ZC3H11A: variants seen among roughly 807,000 people sequenced by gnomAD.
ZC3H11A encodes the protein zinc finger CCCH-type containing 11A.
In ZC3H11A, 22 loss-of-function variants were observed where a neutral mutation model predicts 90.8. The observed-to-expected ratio is 0.24, with a 90% confidence interval of 0.17 to 0.35. ZC3H11A has a LOEUF of 0.35. ZC3H11A is among the 10% of genes least tolerant of loss of function. ZC3H11A has a pLI of 1.00. For synonymous variants in ZC3H11A, 294 were observed against 339.8 expected, an observed-to-expected ratio of 0.87 and a Z score of 1.48; for missense variants, 701 against 964.9, an observed-to-expected ratio of 0.73 and a Z score of 3.62.
At chr1:203,848,637 C>T (rs1688523068) in intron 14 of ZC3H11A, among the ~76,000 whole-genome samples, 1 of 152,162 alleles carries the variant, frequency 6.6e-6, no homozygotes, top group South Asian at 2.1e-4. Flanking sequence ...CCTGTAATCC[C>T]AGCACTTTGG....
chr1:203,821,020 G>A (rs1456583079), intron 4 of ZC3H11A, among the ~76,000 whole-genome samples: 1 of 152,084 alleles, frequency 6.6e-6, no homozygotes, highest in Non-Finnish European at 1.5e-5. Context: ...GTGGTGATAC[G>A]TTTGGCTCTG....
intron 4 of ZC3H11A, 76 bp from the exon 5 acceptor site, chr1:203,828,223 G>C: frequency 6.4e-7 from 1 of 1,571,748 alleles, no homozygotes; most frequent in Non-Finnish European, 8.7e-7. Context: ...TATGAACTTT[G>C]TCTAGAAAAC....
intron 17 of ZC3H11A, 79 bp downstream of exon 17, chr1:203,851,203 A>G: frequency 1.6e-6 from 2 of 1,281,400 alleles, no homozygotes; most frequent in South Asian, 1.3e-5. Flanking sequence ...ACACTGATAA[A>G]TAACTTTAGC....
At chr1:203,839,510 T>A (rs1215864508) in intron 11 of ZC3H11A, among the ~76,000 whole-genome samples, 2 of 152,216 alleles carry the variant, frequency 1.3e-5, no homozygotes, top group Non-Finnish European at 2.9e-5. Context: ...ATAAGAAACT[T>A]CTTTTAATTT....
intron 10 of ZC3H11A, chr1:203,835,676 T>G (rs1028577534): frequency 8.2e-6 from 2 of 244,274 alleles, no homozygotes; most frequent in African/African-American, 4.6e-5. Context: ...CACCACTGTT[T>G]CCATGGGCTT....
intron 2 of ZC3H11A, among the ~76,000 whole-genome samples, chr1:203,806,809 T>C (rs1672506098): frequency 6.8e-6 from 1 of 146,982 alleles, no homozygotes; most frequent in Non-Finnish European, 1.5e-5. Flanking sequence ...TTTTGTTGAG[T>C]GGATATTGCA....
chr1:203,852,009 T>C, intron 17 of ZC3H11A, 132 bp from the exon 18 acceptor site: 1 of 319,000 alleles, frequency 3.1e-6, no homozygotes, highest in Non-Finnish European at 6.1e-6. Context: ...TGATCCCAAA[T>C]CAGTAAAAGA....
At chr1:203,838,851 G>A (rs1685168345) in intron 11 of ZC3H11A, among the ~76,000 whole-genome samples, 1 of 151,596 alleles carries the variant, frequency 6.6e-6, no homozygotes, top group Admixed American at 6.6e-5. Flanking sequence ...TACTTGGGAG[G>A]CTGAGGCAGG....
chr1:203,839,563 T>C (rs1300446997), intron 11 of ZC3H11A, among the ~76,000 whole-genome samples: 1 of 152,196 alleles, frequency 6.6e-6, no homozygotes, highest in East Asian at 1.9e-4. Flanking sequence ...CGTTCCTGTT[T>C]GGAGGTTTTC....
At chr1:203,815,599 C>G (rs1010796045) in intron 2 of ZC3H11A, among the ~76,000 whole-genome samples, 1 of 151,988 alleles carries the variant, frequency 6.6e-6, no homozygotes, top group African/African-American at 2.4e-5. Flanking sequence ...ATAATACATT[C>G]TAGAAATGGA....
chr1:203,850,312 A>T (rs10494847), intron 15 of ZC3H11A: 1 of 713,858 alleles, frequency 1.4e-6, no homozygotes, highest in South Asian at 1.8e-5. Context: ...AACAAATTTA[A>T]GTGGTATTGT....
At position 203,852,340 on chromosome 1, in the gene ZC3H11A, G is replaced by C; in HGVS notation, c.2374G>C (p.Asp792His). The change falls in exon 18 of 18, where the codon GAT becomes CAT. Residue 792 changes from aspartate (D) to histidine (H), a missense_variant. Around this residue, in one of 4 missense-constraint regions of ZC3H11A, gnomAD observed 21 missense variants for 49.1 expected, o/e 0.43. Coordinates refer to ENST00000367210, the MANE Select transcript of ZC3H11A (RefSeq NM_001376342.1). Reference sequence around the variant, plus strand: ...CAAATTGGAAGCTGAGATTGACCTGGATCCTGGGAAAGATGAAGATGACCT... The same window carrying C: ...CAAATTGGAAGCTGAGATTGACCTGCATCCTGGGAAAGATGAAGATGACCT... ...GGKLEAEIDL[D>H]PGKDEDDLLL... 6.2e-7 allele frequency: 1 copy of C among 1,613,722 alleles called. No homozygotes were observed. The highest frequency in any genetic ancestry group is 8.5e-7 in the Non-Finnish European group (1 of 1,179,836).
intron 2 of ZC3H11A, among the ~76,000 whole-genome samples, chr1:203,804,960 A>G (rs1162874243): frequency 6.6e-6 from 1 of 151,902 alleles, no homozygotes; most frequent in Non-Finnish European, 1.5e-5. Context: ...GGCGTGAGCT[A>G]TTGTGCCCGG....
chr1:203,839,066 G>A (rs1379011833), intron 11 of ZC3H11A, among the ~76,000 whole-genome samples: 1 of 152,132 alleles, frequency 6.6e-6, no homozygotes, highest in Non-Finnish European at 1.5e-5. Flanking sequence ...CAGATTAGAA[G>A]GGGGCAAGCA....
intron 8 of ZC3H11A, 102 bp from the exon 9 acceptor site, chr1:203,831,559 C>A: frequency 1.2e-6 from 1 of 855,316 alleles, no homozygotes; most frequent in Non-Finnish European, 1.9e-6. Flanking sequence ...GTCATAATAT[C>A]AGTCTGTATT....
At chr1:203,819,260 C>T (rs1201253872) in intron 4 of ZC3H11A, among the ~76,000 whole-genome samples, 6 of 142,714 alleles carry the variant, frequency 4.2e-5, no homozygotes, top group Middle Eastern at 4.1e-3. Context: ...CTCACTCTGT[C>T]GCCCACGCTG....
rs1473683241 is a variant in ZC3H11A, at chr1:203,852,396, C to T, written c.2430C>T (p.Ser810=). The part of the protein sequence containing the change: ...LLLELSEMID[S] ...TTGAGCTATCAGAAATGATTGATAG[C>T]TGAAGGTGGTAGTGAGGACACTTTA... is the stretch of plus-strand genomic sequence containing the variant. The change falls in exon 18 of 18, where the codon AGC becomes AGT. Residue 810 remains serine (S), a synonymous_variant. Transcript: ENST00000367210. 1.2e-6 allele frequency: 2 copies of T among 1,613,440 alleles called. No individual in the cohort carries two copies. The highest frequency in any genetic ancestry group is 1.7e-6 in the Non-Finnish European group (2 of 1,179,810).
Position 203,844,912 on chromosome 1 carries a change from A to G in ZC3H11A, c.1043-2272A>G, listed in dbSNP as rs562706302. The stretch of plus-strand genomic sequence containing the variant: ...TTCTCTCCAGCCCCAACATCTTCAT[A>G]ATGTGCTCTTCGTGGGCAAACTTGC... On this transcript the variant is annotated intron_variant, in intron 12 of 17. Transcript: ENST00000367210. Among the ~76,000 whole-genome samples the G allele has an allele frequency of 9.9e-4, 150 of 152,112 alleles. 1 individual carries two copies. The highest frequency in any genetic ancestry group is 3.5e-3 in the African/African-American group (146 of 41,490).
At chr1:203,797,310 A>G in intron 1 of ZC3H11A, 1 of 424,182 alleles carries the variant, frequency 2.4e-6, no homozygotes, top group Non-Finnish European at 4.1e-6. Context: ...AAGGGACCTT[A>G]AAGCCCTCTA....
Sources: gnomAD v4.1 joint callset for allele counts (sites outside exome capture counted in the v4.1 genomes callset) on GRCh38, gnomAD v4.1.1 for gene constraint, gnomAD v4.1.1 regional missense constraint, MANE v1.5 for transcripts, NCBI Gene and HGNC (gene_info 2026-07-23, HGNC 2026-07-21) for gene names.